Variants in STXBP5L observed in about 807,000 individuals in gnomAD.
The protein encoded by STXBP5L is syntaxin-binding protein 5-like.
In STXBP5L, 65 loss-of-function variants were observed where a neutral mutation model predicts 144.5. The observed-to-expected ratio is 0.45, with a 90% CI of 0.37 to 0.55. The LOEUF (loss-of-function observed/expected upper bound fraction) is 0.55. STXBP5L is among the 20% of genes least tolerant of loss of function. The pLI is 0.00. For synonymous variants in STXBP5L, 505 were observed against 469.6 expected, an observed-to-expected ratio of 1.08 and a Z score of -0.97; for missense variants, 1,298 against 1,405.5, an observed-to-expected ratio of 0.92 and a Z score of 1.22.
chr3:121,024,749 G>GGAATATATATATTCCC (rs1945805119), intron 3 of STXBP5L, among the ~76,000 whole-genome samples: 1 of 152,060 alleles, frequency 6.6e-6, no homozygotes, highest in Non-Finnish European at 1.5e-5. Flanking sequence ...TCTATTCCAT[G>GGAATATATATATTCCC]ATATATATCC....
intron 19 of STXBP5L, among the ~76,000 whole-genome samples, chr3:121,284,218 G>T (rs1290455561): frequency 2.0e-5 from 3 of 151,670 alleles, no homozygotes; most frequent in African/African-American, 7.3e-5. Context: ...ATCCTCTAAA[G>T]TATAATTTCT....
chr3:121,235,654 ATC>A (rs1055586489), intron 12 of STXBP5L, among the ~76,000 whole-genome samples: 2 of 152,132 alleles, frequency 1.3e-5, no homozygotes, highest in African/African-American at 4.8e-5. Flanking sequence ...GAAACAGAGA[ATC>A]TCTGATATAT....
chr3:121,167,384 A>T (rs1487640523), intron 9 of STXBP5L, among the ~76,000 whole-genome samples: 1 of 152,198 alleles, frequency 6.6e-6, no homozygotes, highest in Admixed American at 6.5e-5. Context: ...TAAATAGAAA[A>T]TAAAGATATT....
In STXBP5L at chr3:121,191,476, C is replaced by T. The variant is rs544079299; in HGVS notation, c.878-14447C>T. Among the ~76,000 whole-genome samples, 9 of 152,146 alleles carry T rather than the reference C, an allele frequency of 5.9e-5. No homozygotes were observed. The South Asian group carries it at 8.3e-4, about 14-fold the overall frequency. Reference sequence around the variant, plus strand: ...ATCAGGCAGGGAGTTTGCAGTGAGTCGAGATAGCTGCAATACAGTCCAGCC... The same window carrying T: ...ATCAGGCAGGGAGTTTGCAGTGAGTTGAGATAGCTGCAATACAGTCCAGCC... On this transcript the variant is annotated intron_variant, in intron 9 of 26. Transcript: ENST00000471454.
intron 12 of STXBP5L, 137 bp from the exon 13 acceptor site, chr3:121,238,834 A>G: frequency 2.4e-6 from 2 of 830,888 alleles, no homozygotes; most frequent in Non-Finnish European, 3.4e-6. Context: ...TGTTCATACA[A>G]TTCTTGTTTT....
At chr3:121,329,097 G>A (rs2044243072) in intron 20 of STXBP5L, among the ~76,000 whole-genome samples, 1 of 151,916 alleles carries the variant, frequency 6.6e-6, no homozygotes, top group Non-Finnish European at 1.5e-5. Context: ...GCACATCTAT[G>A]TCTAATTCAA....
intron 9 of STXBP5L, among the ~76,000 whole-genome samples, chr3:121,177,739 A>G (rs934092749): frequency 1.3e-5 from 2 of 152,208 alleles, no homozygotes; most frequent in Admixed American, 6.5e-5. Flanking sequence ...AAAAATTAAA[A>G]GTAGACTTAC....
intron 3 of STXBP5L, among the ~76,000 whole-genome samples, chr3:121,023,393 A>G (rs545167847): frequency 6.6e-6 from 1 of 152,270 alleles, no homozygotes; most frequent in South Asian, 2.1e-4. Context: ...AGAAAATACA[A>G]TCATAAAATT....
At chr3:121,098,105 A>G (rs1311794592) in intron 5 of STXBP5L, among the ~76,000 whole-genome samples, 1 of 152,208 alleles carries the variant, frequency 6.6e-6, no homozygotes, top group Admixed American at 6.5e-5. Flanking sequence ...TGATATCAAG[A>G]AATGTGGAAA....
chr3:121,343,626 C>T (rs190830915), intron 20 of STXBP5L, among the ~76,000 whole-genome samples: 5,402 of 152,154 alleles, frequency 0.036, 146 homozygotes, highest in Middle Eastern at 0.082. Flanking sequence ...ACAGCCAAAT[C>T]ATGAGTGAAC....
At chr3:121,292,581 C>CTTGCACA (rs1212079282) in intron 19 of STXBP5L, among the ~76,000 whole-genome samples, 4 of 152,220 alleles carry the variant, frequency 2.6e-5, no homozygotes, top group Admixed American at 2.6e-4. Context: ...GAAAAAGACA[C>CTTGCACA]TTGCACATGC....
chr3:121,031,935 T>A (rs1395279379), intron 3 of STXBP5L, among the ~76,000 whole-genome samples: 1 of 152,096 alleles, frequency 6.6e-6, no homozygotes, highest in African/African-American at 2.4e-5. Flanking sequence ...CTCACTGAGA[T>A]AGGATACAGA....
chr3:121,112,553 C>CGTTTTCA (rs1366792916), intron 5 of STXBP5L, among the ~76,000 whole-genome samples: 1 of 151,692 alleles, frequency 6.6e-6, no homozygotes, highest in African/African-American at 2.4e-5. Context: ...CTTCTCTCGC[C>CGTTTTCA]GTTTTCATTC....
At chr3:120,990,539 G>T (rs370326836) in intron 3 of STXBP5L, among the ~76,000 whole-genome samples, 1 of 151,898 alleles carries the variant, frequency 6.6e-6, no homozygotes, top group Non-Finnish European at 1.5e-5. Flanking sequence ...GAGGCATCAC[G>T]CTACCTGACT....
chr3:121,388,008 A>C (rs2046471694), intron 22 of STXBP5L, among the ~76,000 whole-genome samples: 1 of 152,192 alleles, frequency 6.6e-6, no homozygotes, highest in African/African-American at 2.4e-5. Context: ...GGCCATTTTC[A>C]CAATATTGAT....
Position 120,954,976 on chromosome 3 carries a change from T to C in STXBP5L, c.226T>C (p.Leu76=). ...RHGFPHQPTA[L]AFDPVQKILA... is the part of the protein sequence containing the mutation. ...TGGTTTTCCTCATCAGCCCACAGCA[T>C]TAGCCTTTGATCCAGTTCAGAAAAT... Residue 76 remains leucine, a synonymous_variant, in exon 3 of 27, where the codon TTA becomes CTA. Coordinates refer to ENST00000471454, the MANE Select transcript of STXBP5L (RefSeq NM_001308330.2). 1 of 1,612,742 alleles carries C rather than the reference T, an allele frequency of 6.2e-7. No homozygotes were observed. The highest frequency in any genetic ancestry group is 1.1e-5 in the South Asian group (1 of 91,054).
chr3:121,349,447 G>A (rs543168441), intron 20 of STXBP5L, among the ~76,000 whole-genome samples: 2 of 152,082 alleles, frequency 1.3e-5, no homozygotes, highest in African/African-American at 2.4e-5. Flanking sequence ...GATTTGGGGT[G>A]GAGAGTTCTG....
intron 2 of STXBP5L, among the ~76,000 whole-genome samples, chr3:120,949,009 G>A (rs913542923): frequency 1.9e-4 from 29 of 151,780 alleles, no homozygotes; most frequent in African/African-American, 7.0e-4. Context: ...AGTTGTACTA[G>A]TTTATATTCC....
At chr3:121,017,309 C>T (rs913149302) in intron 3 of STXBP5L, among the ~76,000 whole-genome samples, 1 of 152,180 alleles carries the variant, frequency 6.6e-6, no homozygotes, top group African/African-American at 2.4e-5. Context: ...TAAAGAACAT[C>T]TACCAAGAAC....
Sources: gnomAD v4.1 joint callset for allele counts (sites outside exome capture counted in the v4.1 genomes callset) on GRCh38, gnomAD v4.1.1 for gene constraint, MANE v1.5 for transcripts, NCBI Gene and HGNC (gene_info 2026-07-23, HGNC 2026-07-21) for gene names.